Variants in MTRF1 observed in about 807,000 individuals in gnomAD.
MTRF1 encodes the protein mitochondrial translation release factor 1, also known as peptide chain release factor 1, mitochondrial.
MTRF1 carries 51 observed loss-of-function variants against 62.9 expected under a neutral mutation model. That is an observed-to-expected ratio of 0.81 (90% confidence interval 0.65 to 1.02). MTRF1 has a LOEUF of 1.02. Among genes scored for constraint, MTRF1 ranks in the 50% least tolerant of loss-of-function variants. The pLI is 0.00. For missense variants in MTRF1, 446 were observed against 530.0 expected, an observed-to-expected ratio of 0.84 and a Z score of 1.56; for synonymous variants, 158 against 181.9, an observed-to-expected ratio of 0.87 and a Z score of 1.06.
At chr13:41,306,143 G>A in the MTRF1 span, among the ~76,000 whole-genome samples, 5 of 152,308 alleles carry the variant, frequency 3.3e-5, no homozygotes, top group Non-Finnish European at 5.9e-5. Context: ...AGCACTTTGG[G>A]AGGCCGAGGT....
In MTRF1 at chr13:41,222,195, A is replaced by G. The variant is rs182481282; in HGVS notation, c.1224+1061T>C. 2.0e-5 allele frequency among the ~76,000 whole-genome samples: 3 copies of G among 152,302 alleles called. No homozygotes were observed. In the East Asian group the frequency reaches 5.8e-4, roughly 29 times the overall value. ...GATTTCTGTCTGCTGCCTTTTCCAC[A>G]TAGTCCTTTATGGGACCAGTTCACT... On this transcript the variant is annotated intron_variant, in intron 9 of 9. Coordinates refer to ENST00000379480, the MANE Select transcript of MTRF1 (RefSeq NM_004294.4).
At chr13:41,274,861 C>A in the MTRF1 span, among the ~76,000 whole-genome samples, 6 of 152,032 alleles carry the variant, frequency 3.9e-5, no homozygotes, top group Non-Finnish European at 8.8e-5. Flanking sequence ...GATTCACCCC[C>A]CTTGGCCTCC....
intron 5 of MTRF1, among the ~76,000 whole-genome samples, chr13:41,248,281 T>A (rs2038551292): frequency 6.6e-6 from 1 of 152,114 alleles, no homozygotes; most frequent in Non-Finnish European, 1.5e-5. Context: ...ACCACCACAC[T>A]CAGCTAATTT....
intron 6 of MTRF1, chr13:41,236,715 T>A (rs543743564): frequency 6.6e-6 from 1 of 152,188 alleles, no homozygotes. Context: ...CATGTGGCTA[T>A]AGTATATTAA....
chr13:41,223,389 T>G, intron 8 of MTRF1, 35 bp from the exon 9 acceptor site: 1 of 1,520,824 alleles, frequency 6.6e-7, no homozygotes, highest in Non-Finnish European at 9.1e-7. Context: ...ATATTTTACC[T>G]TTATAAATGT....
At chr13:41,231,301 TGAGGAGCTAGGGCTAAATACA>T (rs2035512838) in intron 7 of MTRF1, among the ~76,000 whole-genome samples, 1 of 152,172 alleles carries the variant, frequency 6.6e-6, no homozygotes, top group Admixed American at 6.5e-5. Flanking sequence ...AAGTCAGGCT[TGAGGAGCTAGGGCTAAATACA>T]GAAAGCCTAT....
At chr13:41,247,400 T>A (rs950947139) in intron 5 of MTRF1, among the ~76,000 whole-genome samples, 3 of 152,334 alleles carry the variant, frequency 2.0e-5, no homozygotes, top group African/African-American at 7.2e-5. Flanking sequence ...ATTTGCCACA[T>A]CAACAGCTGT....
chr13:41,232,109 C>CA (rs2035687738), intron 7 of MTRF1, among the ~76,000 whole-genome samples: 1 of 151,464 alleles, frequency 6.6e-6, no homozygotes, highest in African/African-American at 2.4e-5. Flanking sequence ...AAGAATGAAA[C>CA]AAAAATAAAC....
chr13:41,220,548 A>C, intron 9 of MTRF1: 1 of 1,276,322 alleles, frequency 7.8e-7, no homozygotes, highest in Non-Finnish European at 1.0e-6. Context: ...TAACAGAAGA[A>C]GTCATAATGA....
intron 9 of MTRF1, 151 bp downstream of exon 9, chr13:41,223,104 TA>T (rs1470490297): frequency 5.6e-6 from 3 of 537,940 alleles, no homozygotes; most frequent in Non-Finnish European, 9.6e-6. Flanking sequence ...AGCAAACTAA[TA>T]AAAGTGTTTG....
chr13:41,283,812 C>A, the MTRF1 span, among the ~76,000 whole-genome samples: 2 of 151,816 alleles, frequency 1.3e-5, no homozygotes, highest in East Asian at 3.9e-4. Flanking sequence ...CTCCTGACCT[C>A]GTGATCCACC....
the MTRF1 span, chr13:41,287,820 GT>G: frequency 3.6e-6 from 1 of 280,028 alleles, no homozygotes; most frequent in East Asian, 1.1e-4. Flanking sequence ...GTCAAACACC[GT>G]TTTGAACCCT....
At chr13:41,226,075 T>G (rs962439116) in intron 8 of MTRF1, among the ~76,000 whole-genome samples, 1 of 152,200 alleles carries the variant, frequency 6.6e-6, no homozygotes, top group Non-Finnish European at 1.5e-5. Flanking sequence ...CATAGAGTTA[T>G]AGTACAAGCA....
the MTRF1 span, chr13:41,311,638 A>C: frequency 6.5e-7 from 1 of 1,539,378 alleles, no homozygotes; most frequent in Non-Finnish European, 8.8e-7. Flanking sequence ...TCGGGCCTTA[A>C]GGGCAAGCGG....
chr13:41,285,803 G>A, the MTRF1 span, among the ~76,000 whole-genome samples: 6 of 152,046 alleles, frequency 3.9e-5, no homozygotes, highest in South Asian at 2.1e-4. Flanking sequence ...AAACTGGGCC[G>A]GGCGTGGTGG....
chr13:41,257,609 G>A (rs751094944), intron 2 of MTRF1: 13 of 189,564 alleles, frequency 6.9e-5, no homozygotes, highest in Non-Finnish European at 1.3e-4. Context: ...CACAGGCTGG[G>A]CAACACAGTG....
chr13:41,240,219 G>T, intron 6 of MTRF1, 42 bp downstream of exon 6: 1 of 1,537,108 alleles, frequency 6.5e-7, no homozygotes, highest in Non-Finnish European at 8.8e-7. Flanking sequence ...CACAATACCC[G>T]TTGACATGGA....
In MTRF1 at chr13:41,240,274, G is replaced by A. The variant is rs781257639; in HGVS notation, c.857C>T (p.Pro286Leu). 6.2e-7 allele frequency: 1 copy of A among 1,608,148 alleles called. No homozygotes were observed. The highest frequency in any genetic ancestry group is 8.5e-7 in the Non-Finnish European group (1 of 1,177,102). The change falls in exon 6 of 10, where the codon CCT (proline) becomes CTT (leucine). Residue 286 changes from proline (P) to leucine (L), a missense_variant. By Grantham distance (98) the Pro-to-Leu change is moderately conservative (BLOSUM62 -3). Coordinates refer to ENST00000379480, the MANE Select transcript of MTRF1 (RefSeq NM_004294.4). The stretch of plus-strand genomic sequence containing the variant: ...TCCTGAGGTTACCTCATCTGGCTGA[G>A]GAAGGACAATAACCGACATCGTTCC... ...HTGTMSVIVLPQPDEVDVKLD... is the reference protein window; with the variant it reads ...HTGTMSVIVLLQPDEVDVKLD...
chr13:41,288,479 T>G, the MTRF1 span, among the ~76,000 whole-genome samples: 1 of 152,200 alleles, frequency 6.6e-6, no homozygotes, highest in Non-Finnish European at 1.5e-5. Context: ...AATGGGAATC[T>G]TTTGAAAATG....
Sources: allele counts gnomAD v4.1 joint callset (sites outside exome capture counted in the v4.1 genomes callset), GRCh38; gene constraint gnomAD v4.1.1; transcripts MANE v1.5; gene names NCBI Gene and HGNC (gene_info 2026-07-23, HGNC 2026-07-21).